ABLIM2: variants seen among roughly 807,000 people sequenced by gnomAD.
The protein encoded by ABLIM2 is actin-binding LIM protein 2.
ABLIM2 carries 53 observed loss-of-function variants against 97.7 expected under a neutral mutation model. That is an observed-to-expected ratio of 0.54 (90% CI 0.44 to 0.68). The LOEUF is 0.68. Ranked by LOEUF, ABLIM2 falls within the 30% of genes least tolerant of loss-of-function variation. ABLIM2 has a pLI of 0.00. For missense variants in ABLIM2, 835 were observed against 867.2 expected, an observed-to-expected ratio of 0.96 and a Z score of 0.47; for synonymous variants, 361 against 345.8, an observed-to-expected ratio of 1.04 and a Z score of -0.49.
chr4:8,063,471 G>C (rs944987634), intron 6 of ABLIM2, among the ~76,000 whole-genome samples: 57 of 152,352 alleles, frequency 3.7e-4, no homozygotes, highest in African/African-American at 1.0e-3. Flanking sequence ...AACTTGTCAA[G>C]TCCTTGCAGC....
chr4:8,053,139 C>G (rs1797071533), intron 8 of ABLIM2, among the ~76,000 whole-genome samples: 1 of 152,200 alleles, frequency 6.6e-6, no homozygotes. Context: ...CAACCTGCCT[C>G]CCATTCTATT....
At chr4:8,057,060 T>C (rs1799712568) in intron 7 of ABLIM2, among the ~76,000 whole-genome samples, 1 of 150,050 alleles carries the variant, frequency 6.7e-6, no homozygotes, top group Non-Finnish European at 1.5e-5. Flanking sequence ...ACTCCTCTCC[T>C]GATCTTTCTT....
chr4:8,152,049 C>T (rs565634486), intron 1 of ABLIM2, among the ~76,000 whole-genome samples: 9 of 152,160 alleles, frequency 5.9e-5, no homozygotes, highest in South Asian at 2.1e-4. Context: ...TGGCAGGTCC[C>T]GCAGCTGGAA....
chr4:8,144,008 C>T (rs1396284230), intron 1 of ABLIM2, among the ~76,000 whole-genome samples: 2 of 152,166 alleles, frequency 1.3e-5, no homozygotes, highest in African/African-American at 4.8e-5. Flanking sequence ...ACCACCAGCC[C>T]CCACCCTGAA....
At position 8,071,117 on chromosome 4, in the gene ABLIM2, C is replaced by T. The variant is rs373991850; in HGVS notation, c.675+6511G>A. On this transcript the variant is annotated intron_variant, in intron 6 of 20. Coordinates refer to ENST00000447017, the MANE Select transcript of ABLIM2 (RefSeq NM_001130083.2). This position sits in a 1 kb window ranked among gnomAD's most constrained non-coding sequence, Gnocchi z 6.2. ...GCCCTGGTCTAGAGGCTGGTCACAC[C>T]GCTGTCCCCGTGGATTCGCCAGCTG... Among the ~76,000 whole-genome samples, 57 of 152,278 alleles carry T rather than the reference C, an allele frequency of 3.7e-4. No homozygotes were observed. The highest frequency in any genetic ancestry group is 8.9e-4 in the African/African-American group (37 of 41,542).
intron 1 of ABLIM2, among the ~76,000 whole-genome samples, chr4:8,153,799 G>A (rs762487608): frequency 6.6e-6 from 1 of 152,188 alleles, no homozygotes; most frequent in Non-Finnish European, 1.5e-5. Flanking sequence ...CACATGGAAA[G>A]TAAAAAGGTG....
At position 8,010,600 on chromosome 4, in the gene ABLIM2, C is replaced by A. The variant is rs552231572; in HGVS notation, c.1424-1498G>T. The A allele has an allele frequency of 1.0e-5, 10 of 981,786 alleles. No homozygotes were observed. The African/African-American group carries it at 1.7e-4, about 17-fold the overall frequency. The allele number at this position is 981,786 out of a possible 1,614,324, so 60.8% of individuals were successfully genotyped here. ...AGACTGAGCAGTTCCGTTCCGAATA[C>A]ACTAACATCTCGTTACTCTCAACGG... On this transcript the variant is annotated intron_variant, in intron 14 of 20. Transcript: ENST00000447017.
chr4:8,016,835 G>A (rs189073264), intron 14 of ABLIM2, among the ~76,000 whole-genome samples: 6 of 152,282 alleles, frequency 3.9e-5, no homozygotes, highest in South Asian at 2.1e-4. Context: ...AGCCTCTGCC[G>A]CCGATGAACT....
At chr4:8,042,568 C>T (rs1472475705) in intron 9 of ABLIM2, among the ~76,000 whole-genome samples, 4 of 152,310 alleles carry the variant, frequency 2.6e-5, no homozygotes, top group Admixed American at 2.6e-4. Flanking sequence ...AGGCCAGGCA[C>T]AGCGGCTCAC....
chr4:8,121,537 C>A (rs1013032203), intron 1 of ABLIM2, among the ~76,000 whole-genome samples: 1 of 152,188 alleles, frequency 6.6e-6, no homozygotes, highest in African/African-American at 2.4e-5. Flanking sequence ...CTGCCACCCC[C>A]CACACAGAGG....
intron 1 of ABLIM2, among the ~76,000 whole-genome samples, chr4:8,117,246 C>T (rs1394136751): frequency 2.6e-5 from 4 of 152,318 alleles, no homozygotes; most frequent in Admixed American, 2.6e-4. Flanking sequence ...CAAAGCCACA[C>T]CGTGAGGAGT....
chr4:7,966,641 C>T lies in ABLIM2; in HGVS notation c.*349G>A, dbSNP rs1239412442. 2.8e-5 allele frequency: 7 copies of T among 249,298 alleles called. No homozygotes were observed. The highest frequency in any genetic ancestry group is 4.7e-5 in the Non-Finnish European group (6 of 128,980). 15.4% of individuals were successfully genotyped at this position (249,298 alleles called of 1,614,324 possible). On this transcript the variant is annotated 3_prime_UTR_variant, in exon 21 of 21. Coordinates refer to ENST00000447017, the MANE Select transcript of ABLIM2 (RefSeq NM_001130083.2). ...TCACGTCCCGGCCACCTCTGTCCCC[C>T]ACGTGCCCAGCACCGGGGCCAGGGC...
At chr4:7,993,353 C>A (rs1045094152) in intron 16 of ABLIM2, among the ~76,000 whole-genome samples, 2 of 152,244 alleles carry the variant, frequency 1.3e-5, no homozygotes, top group Admixed American at 1.3e-4. Context: ...TGGAGGCCCA[C>A]CACCAAGCAC....
At chr4:7,979,313 T>A (rs2149568782) in intron 20 of ABLIM2, among the ~76,000 whole-genome samples, 1 of 152,362 alleles carries the variant, frequency 6.6e-6, no homozygotes, top group East Asian at 1.9e-4. Context: ...CCGCACTGAC[T>A]GGCCACGGCA....
intron 3 of ABLIM2, among the ~76,000 whole-genome samples, chr4:8,096,399 T>C (rs1338636199): frequency 6.6e-6 from 1 of 152,140 alleles, no homozygotes; most frequent in East Asian, 1.9e-4. Flanking sequence ...TACACAAAAA[T>C]CAAACACTCG....
chr4:7,966,861 A>AGGGGGGGGGGG lies in ABLIM2; in HGVS notation c.*128_*129insCCCCCCCCCCC. 4.4e-6 allele frequency: 1 copy of AGGGGGGGGGGG among 227,854 alleles called. No homozygotes were observed. The highest frequency in any genetic ancestry group is 8.8e-6 in the Non-Finnish European group (1 of 113,218). 14.1% of individuals were successfully genotyped at this position (227,854 alleles called of 1,614,324 possible). On this transcript the variant is annotated 3_prime_UTR_variant, in exon 21 of 21. Coordinates refer to ENST00000447017, the MANE Select transcript of ABLIM2 (RefSeq NM_001130083.2). ...GTGCAGGGGCCGCACCTGCTGGGGG[A>AGGGGGGGGGGG]CCCCCTCCCGCCCACCCCATGGACA...
chr4:7,990,129 T>C (rs371595352), intron 17 of ABLIM2, among the ~76,000 whole-genome samples: 16 of 152,184 alleles, frequency 1.1e-4, no homozygotes, highest in Non-Finnish European at 1.8e-4. Context: ...GAGGCCTACA[T>C]CACTGACATG....
intron 16 of ABLIM2, among the ~76,000 whole-genome samples, chr4:7,997,722 T>C (rs1240290430): frequency 2.0e-5 from 3 of 152,140 alleles, no homozygotes; most frequent in Non-Finnish European, 4.4e-5. Context: ...GGTTGCTGCG[T>C]ATTTCCCCGA....
At position 8,054,717 on chromosome 4, in the gene ABLIM2, A is replaced by C. The variant is rs1447176120; in HGVS notation, c.764-471T>G. 6.6e-6 allele frequency among the ~76,000 whole-genome samples: 1 copy of C among 152,112 alleles called. No homozygotes were observed. The highest frequency in any genetic ancestry group is 2.4e-5 in the African/African-American group (1 of 41,438). ...GTGGGAGCCAGCCTTGGGGAGGAGGACTTGCAGGGCAGGGCTCTAAGCTGA... is the reference window on the plus strand; with the variant it reads ...GTGGGAGCCAGCCTTGGGGAGGAGGCCTTGCAGGGCAGGGCTCTAAGCTGA... On this transcript the variant is annotated intron_variant, in intron 7 of 20. Transcript: ENST00000447017. The surrounding 1 kb of genome is among the most constrained non-coding windows in gnomAD (Gnocchi z 4.9).
Sources: gnomAD v4.1 joint callset for allele counts (sites outside exome capture counted in the v4.1 genomes callset) on GRCh38, gnomAD v4.1.1 for gene constraint, Gnocchi (gnomAD v3.1) non-coding constraint, MANE v1.5 for transcripts, NCBI Gene and HGNC (gene_info 2026-07-23, HGNC 2026-07-21) for gene names.